The following TMEM132D variants were observed in gnomAD, a reference collection of about 807,000 sequenced individuals.
The protein encoded by TMEM132D is transmembrane protein 132D, also known as mature OL transmembrane protein.
Under a neutral mutation model 62.3 loss-of-function variants are expected in TMEM132D, and 21 were observed. The ratio of observed to expected loss-of-function variants is 0.34; its 90% confidence interval spans 0.24 to 0.49. The LOEUF (loss-of-function observed/expected upper bound fraction) is 0.49, where lower values mean the gene tolerates loss of function less well. Ranked by LOEUF, TMEM132D falls within the 20% of genes least tolerant of loss-of-function variation. The pLI is 0.99. For synonymous variants in TMEM132D, 621 were observed against 575.6 expected (o/e 1.08, Z -1.13); for missense variants, 1,346 against 1,402.8 (o/e 0.96, Z 0.65).
intron 3 of TMEM132D, among the ~76,000 whole-genome samples, chr12:129,484,967 G>A (rs1204032760): frequency 6.6e-6 from 1 of 152,188 alleles, no homozygotes; most frequent in Non-Finnish European, 1.5e-5. Flanking sequence ...TTTCTTCACA[G>A]AGGGCCAAAG....
chr12:129,704,409 C>A lies in TMEM132D; in HGVS notation c.80-3711G>T, dbSNP rs185640787. Among the ~76,000 whole-genome samples, 8 of 152,292 alleles carry A rather than the reference C, an allele frequency of 5.3e-5. No individual in the cohort carries two copies. The East Asian group carries it at 1.4e-3, about 26-fold the overall frequency. On this transcript the variant is annotated intron_variant, in intron 1 of 8. Transcript: ENST00000422113. ...CTTTGCCATCAGCTGAATCAGAGAC[C>A]CAAGCATAGGGGGCGCCGCGCTGCA...
chr12:129,830,776 AAGTT>A (rs1375142461), intron 1 of TMEM132D, among the ~76,000 whole-genome samples: 1 of 152,100 alleles, frequency 6.6e-6, no homozygotes, highest in Non-Finnish European at 1.5e-5. Flanking sequence ...CACTTTATAA[AAGTT>A]AGTTATTATT....
intron 3 of TMEM132D, among the ~76,000 whole-genome samples, chr12:129,521,125 G>GTATTCTGTC (rs1237840935): frequency 6.6e-6 from 1 of 152,166 alleles, no homozygotes; most frequent in Non-Finnish European, 1.5e-5. Flanking sequence ...TCACATGTTG[G>GTATTCTGTC]TATTCTGTCC....
chr12:129,304,245 T>C lies in TMEM132D; in HGVS notation c.1299+33389A>G, dbSNP rs187758414. ...GCTCCTTGCCTGACAACTCTACACT[T>C]GCAACACCATGCAAAGACCAGGTCA... On this transcript the variant is annotated intron_variant, in intron 4 of 8. Transcript: ENST00000422113. 2.3e-3 allele frequency among the ~76,000 whole-genome samples: 355 copies of C among 152,312 alleles called. 2 individuals are homozygous for C. The highest frequency in any genetic ancestry group is 8.0e-3 in the African/African-American group (331 of 41,564).
At chr12:129,235,980 C>T (rs886322843) in intron 4 of TMEM132D, among the ~76,000 whole-genome samples, 2 of 151,778 alleles carry the variant, frequency 1.3e-5, no homozygotes, top group East Asian at 1.9e-4. Context: ...AATCCATGAA[C>T]GTGGAATATC....
chr12:129,787,528 G>T (rs1229078199), intron 1 of TMEM132D, among the ~76,000 whole-genome samples: 2 of 152,082 alleles, frequency 1.3e-5, no homozygotes, highest in East Asian at 1.9e-4. Context: ...TTATTTGCCC[G>T]AATTAAATGG....
At chr12:129,383,394 G>A (rs540231084) in intron 3 of TMEM132D, among the ~76,000 whole-genome samples, 68 of 152,244 alleles carry the variant, frequency 4.5e-4, no homozygotes, top group Non-Finnish European at 7.9e-4. Context: ...AGAAATGCCC[G>A]TTTTAGCACC....
intron 3 of TMEM132D, among the ~76,000 whole-genome samples, chr12:129,367,567 C>T (rs1870456541): frequency 6.6e-6 from 1 of 152,102 alleles, no homozygotes; most frequent in Non-Finnish European, 1.5e-5. Flanking sequence ...GGGTCTTCTT[C>T]AGGTGTGACG....
chr12:129,591,716 T>C (rs1025570580), intron 2 of TMEM132D, among the ~76,000 whole-genome samples: 1 of 151,904 alleles, frequency 6.6e-6, no homozygotes, highest in African/African-American at 2.4e-5. Flanking sequence ...GAAGCTTTTT[T>C]CCCCCTCTAA....
chr12:129,138,253 A>C (rs749820538), intron 5 of TMEM132D, among the ~76,000 whole-genome samples: 1 of 152,228 alleles, frequency 6.6e-6, no homozygotes, highest in Non-Finnish European at 1.5e-5. Context: ...TGTAAATTTT[A>C]AAGTAGTAAT....
intron 1 of TMEM132D, among the ~76,000 whole-genome samples, chr12:129,720,242 G>A (rs1047715807): frequency 1.3e-5 from 2 of 152,048 alleles, no homozygotes; most frequent in South Asian, 4.2e-4. Context: ...TAACTCACAC[G>A]GATGGACCAG....
chr12:129,280,081 A>G (rs183971528), intron 4 of TMEM132D, among the ~76,000 whole-genome samples: 41 of 152,376 alleles, frequency 2.7e-4, no homozygotes, highest in Non-Finnish European at 1.5e-4. Flanking sequence ...CTCATTTCAC[A>G]GCAAAGAAAA....
At chr12:129,767,264 T>C (rs1234703691) in intron 1 of TMEM132D, among the ~76,000 whole-genome samples, 1 of 152,236 alleles carries the variant, frequency 6.6e-6, no homozygotes. Context: ...CCCATGTACC[T>C]GTACATCTAT....
intron 4 of TMEM132D, among the ~76,000 whole-genome samples, chr12:129,236,451 G>T (rs1879785356): frequency 7.1e-6 from 1 of 140,986 alleles, no homozygotes; most frequent in African/African-American, 2.8e-5. Context: ...GGAGGCGGAG[G>T]TTAAGGTGAG....
chr12:129,472,659 G>T (rs1052032274), intron 3 of TMEM132D, among the ~76,000 whole-genome samples: 4 of 152,148 alleles, frequency 2.6e-5, no homozygotes, highest in African/African-American at 9.7e-5. Flanking sequence ...CATGAAAAAG[G>T]TGGTTTGTGG....
At chr12:129,196,083 C>T (rs999667392) in intron 5 of TMEM132D, among the ~76,000 whole-genome samples, 7 of 151,802 alleles carry the variant, frequency 4.6e-5, no homozygotes, top group East Asian at 3.9e-4. Context: ...GCTGAGATGG[C>T]GCCACTGCAC....
At position 129,699,834 on chromosome 12, in the gene TMEM132D, G is replaced by C. The variant is rs2137225175; in HGVS notation, c.944C>G (p.Ser315Cys). 2 of 1,614,140 alleles carry C rather than the reference G, an allele frequency of 1.2e-6. No homozygotes were observed. Among genetic ancestry groups the C allele is most frequent in the Non-Finnish European group, 1.7e-6 (2 of 1,180,026 alleles). The change falls in exon 2 of 9, where the codon TCC becomes TGC. Residue 315 changes from serine (S) to cysteine (C), a missense_variant. Physicochemically the swap from Ser to Cys is moderately radical, Grantham distance 112. Transcript: ENST00000422113. The stretch of plus-strand genomic sequence containing the variant: ...CCTCAACGTGAAGCGATCTTCAGTG[G>C]AATTTCTGGAGATGGAAACAGGAAA... Reference protein sequence around the residue: ...LTFPVSISRNSTEDRFTLRAK... With the variant: ...LTFPVSISRNCTEDRFTLRAK...
intron 3 of TMEM132D, among the ~76,000 whole-genome samples, chr12:129,474,510 G>T (rs968237322): frequency 6.6e-6 from 1 of 152,178 alleles, no homozygotes; most frequent in Admixed American, 6.5e-5. Flanking sequence ...CAGTCTGCAG[G>T]CTTGACTTCC....
chr12:129,433,595 T>C (rs939026933), intron 3 of TMEM132D, among the ~76,000 whole-genome samples: 3 of 152,214 alleles, frequency 2.0e-5, no homozygotes, highest in African/African-American at 7.2e-5. Context: ...TTTGGGCTTT[T>C]GTGGAGATTA....
Sources: gnomAD v4.1 joint callset for allele counts (sites outside exome capture counted in the v4.1 genomes callset) on GRCh38, gnomAD v4.1.1 for gene constraint, MANE v1.5 for transcripts, NCBI Gene and HGNC (gene_info 2026-07-23, HGNC 2026-07-21) for gene names.